Variants in RIMS2 observed in about 807,000 individuals in gnomAD.
RIMS2 encodes regulating synaptic membrane exocytosis protein 2.
A neutral mutation model predicts 174.4 loss-of-function variants in RIMS2; 59 were observed. The ratio of observed to expected loss-of-function variants is 0.34; its 90% CI spans 0.27 to 0.42. The LOEUF is 0.42. Among genes scored for constraint, RIMS2 ranks in the 10% least tolerant of loss-of-function variants. RIMS2 has a pLI of 1.00. For synonymous variants in RIMS2, 606 were observed against 572.5 expected, an observed-to-expected ratio of 1.06 and a Z score of -0.84; for missense variants, 1,620 against 1,666.3, an observed-to-expected ratio of 0.97 and a Z score of 0.48.
At chr8:103,682,299 G>A (rs958611316) in intron 1 of RIMS2, among the ~76,000 whole-genome samples, 2 of 152,032 alleles carry the variant, frequency 1.3e-5, no homozygotes, top group Non-Finnish European at 2.9e-5. Flanking sequence ...ATAATAAAAA[G>A]AGAAGAGGGC....
At chr8:104,091,370 G>A (rs999493375) in intron 19 of RIMS2, among the ~76,000 whole-genome samples, 18 of 151,546 alleles carry the variant, frequency 1.2e-4, no homozygotes, top group African/African-American at 3.9e-4. Context: ...AGAAAGAATA[G>A]CAGCTACTTT....
rs77198607 is a variant in RIMS2, at chr8:103,617,986, C to T, written c.177-79100C>T. 1.9e-3 allele frequency among the ~76,000 whole-genome samples: 291 copies of T among 152,142 alleles called. 1 individual carries two copies. Among genetic ancestry groups the T allele is most frequent in the Middle Eastern group, 3.4e-3 (1 of 294 alleles). Reference sequence around the variant, plus strand: ...TTAATAGCAGAAATACCATTTGACCCAGCAATCCCATAGGAATATAAATCA... The same window carrying T: ...TTAATAGCAGAAATACCATTTGACCTAGCAATCCCATAGGAATATAAATCA... On this transcript the variant is annotated intron_variant, in intron 1 of 23. Transcript: ENST00000504942.
chr8:103,960,667 G>T (rs928032575), intron 14 of RIMS2, among the ~76,000 whole-genome samples: 3 of 152,032 alleles, frequency 2.0e-5, no homozygotes, highest in African/African-American at 7.2e-5. Context: ...AACACATTGT[G>T]TTTTGAAATT....
At chr8:104,087,668 T>C (rs1307617745) in intron 19 of RIMS2, among the ~76,000 whole-genome samples, 2 of 152,074 alleles carry the variant, frequency 1.3e-5, no homozygotes, top group African/African-American at 4.8e-5. Context: ...GAGAACTAAA[T>C]AAAATAATCC....
chr8:103,974,022 C>T (rs951720543), intron 15 of RIMS2, among the ~76,000 whole-genome samples: 3 of 152,180 alleles, frequency 2.0e-5, no homozygotes, highest in Non-Finnish European at 4.4e-5. Context: ...GTACAAAAAT[C>T]CAGGCCTCTT....
At chr8:103,663,749 C>A (rs2096632912) in intron 1 of RIMS2, among the ~76,000 whole-genome samples, 1 of 152,172 alleles carries the variant, frequency 6.6e-6, no homozygotes, top group Non-Finnish European at 1.5e-5. Flanking sequence ...ATCAAGCTAC[C>A]ACTGACTTTC....
intron 14 of RIMS2, among the ~76,000 whole-genome samples, chr8:103,951,047 A>T (rs1411423674): frequency 1.3e-5 from 2 of 152,214 alleles, no homozygotes; most frequent in Non-Finnish European, 2.9e-5. Flanking sequence ...TATCCCTGGG[A>T]TGCAAGATTG....
chr8:104,026,640 A>AGGGC lies in RIMS2; in HGVS notation c.3334+12027_3334+12028insGCGG, dbSNP rs2096264235. On this transcript the variant is annotated intron_variant, in intron 19 of 23. Transcript: ENST00000504942. ...AAATAAGAAAGAAAGAAATGGAAAG[A>AGGGC]GGAGAGGGGGAAAAATAAAAACAAA... 3.9e-5 allele frequency among the ~76,000 whole-genome samples: 6 copies of AGGGC among 151,994 alleles called. 1 individual carries two copies. The South Asian group carries it at 1.2e-3, about 32-fold the overall frequency.
chr8:103,801,279 A>G (rs2098606115), intron 3 of RIMS2, among the ~76,000 whole-genome samples: 2 of 152,252 alleles, frequency 1.3e-5, no homozygotes, highest in Admixed American at 1.3e-4. Flanking sequence ...GGGCCACAGC[A>G]CCCAGCCAGC....
chr8:103,507,856 G>A (rs914438482), intron 1 of RIMS2, among the ~76,000 whole-genome samples: 3 of 152,086 alleles, frequency 2.0e-5, no homozygotes, highest in Non-Finnish European at 4.4e-5. Flanking sequence ...AGAGTACACA[G>A]AAGGCTTTGG....
At chr8:103,769,069 A>T (rs2098216977) in intron 3 of RIMS2, 2 of 259,784 alleles carry the variant, frequency 7.7e-6, no homozygotes, top group Admixed American at 7.8e-5. Context: ...AGACTAAAAA[A>T]AAAAGGATAA....
At chr8:104,241,599 A>G (rs1341126238) in intron 19 of RIMS2, among the ~76,000 whole-genome samples, 3 of 152,100 alleles carry the variant, frequency 2.0e-5, no homozygotes, top group African/African-American at 7.2e-5. Flanking sequence ...TCTTGTACGT[A>G]TCCTCATTCC....
At chr8:103,601,249 C>T (rs887651894) in intron 1 of RIMS2, among the ~76,000 whole-genome samples, 2 of 152,134 alleles carry the variant, frequency 1.3e-5, no homozygotes, top group East Asian at 1.9e-4. Flanking sequence ...CTTTGGTTGC[C>T]CATGCTTATG....
intron 1 of RIMS2, among the ~76,000 whole-genome samples, chr8:103,516,801 T>G (rs754748448): frequency 6.8e-6 from 1 of 147,262 alleles, no homozygotes; most frequent in Non-Finnish European, 1.5e-5. Flanking sequence ...CTACCTGAGA[T>G]GATCCAATGG....
chr8:103,946,781 CA>C (rs1178467577), intron 14 of RIMS2, among the ~76,000 whole-genome samples: 1 of 152,050 alleles, frequency 6.6e-6, no homozygotes, highest in African/African-American at 2.4e-5. Context: ...CCTTTATATG[CA>C]AAAGTATAAG....
chr8:104,003,256 G>A (rs915787291), intron 17 of RIMS2, among the ~76,000 whole-genome samples: 6 of 152,088 alleles, frequency 3.9e-5, no homozygotes, highest in Non-Finnish European at 7.4e-5. Context: ...AGATTGATGT[G>A]GAGGTGAGGG....
intron 19 of RIMS2, among the ~76,000 whole-genome samples, chr8:104,168,045 A>G (rs1379042810): frequency 6.6e-6 from 1 of 152,142 alleles, no homozygotes; most frequent in Non-Finnish European, 1.5e-5. Context: ...TTATGCCAGT[A>G]ACATGTTGTT....
At chr8:104,043,590 A>G (rs1298929241) in intron 19 of RIMS2, among the ~76,000 whole-genome samples, 5 of 151,708 alleles carry the variant, frequency 3.3e-5, no homozygotes, top group African/African-American at 1.2e-4. Flanking sequence ...AGAATTTTTC[A>G]TGAATTGGGA....
chr8:103,507,185 C>A (rs1824098670), intron 1 of RIMS2, among the ~76,000 whole-genome samples: 1 of 152,100 alleles, frequency 6.6e-6, no homozygotes, highest in Non-Finnish European at 1.5e-5. Flanking sequence ...GTTTCTCATC[C>A]TTCTGGCTTA....
Sources: gnomAD v4.1 joint callset for allele counts (sites outside exome capture counted in the v4.1 genomes callset) on GRCh38, gnomAD v4.1.1 for gene constraint, MANE v1.5 for transcripts, NCBI Gene and HGNC (gene_info 2026-07-23, HGNC 2026-07-21) for gene names.